GALNT13: variants seen among roughly 807,000 people sequenced by gnomAD.
GALNT13 encodes polypeptide N-acetylgalactosaminyltransferase 13.
GALNT13 carries 28 observed loss-of-function variants against 64.2 expected under a neutral mutation model. The observed-to-expected ratio is 0.44, with a 90% CI of 0.32 to 0.60. The LOEUF (loss-of-function observed/expected upper bound fraction) is 0.60, where lower values mean the gene tolerates loss of function less well. Among genes scored for constraint, GALNT13 ranks in the 20% least tolerant of loss-of-function variants. The pLI, the probability that GALNT13 is intolerant of heterozygous loss-of-function variation, is 0.05. For synonymous variants in GALNT13, 214 were observed against 224.6 expected (o/e 0.95, Z 0.42); for missense variants, 577 against 669.8 (o/e 0.86, Z 1.53).
At chr2:153,242,579 A>G in the GALNT13 span, among the ~76,000 whole-genome samples, 1 of 152,236 alleles carries the variant, frequency 6.6e-6, no homozygotes, top group Non-Finnish European at 1.5e-5. Flanking sequence ...AAGAGATTTT[A>G]GAAGATTTTT....
chr2:153,131,163 T>A, the GALNT13 span, among the ~76,000 whole-genome samples: 4 of 152,166 alleles, frequency 2.6e-5, no homozygotes, highest in African/African-American at 7.2e-5. Context: ...AGGACTAGAT[T>A]GGGGGTTTTA....
At chr2:153,485,992 C>T in the GALNT13 span, among the ~76,000 whole-genome samples, 1 of 152,240 alleles carries the variant, frequency 6.6e-6, no homozygotes, top group East Asian at 1.9e-4. Flanking sequence ...AGCTGGAGTG[C>T]AATGGCATGA....
the GALNT13 span, among the ~76,000 whole-genome samples, chr2:153,788,502 TAAG>T: frequency 6.6e-6 from 1 of 151,926 alleles, no homozygotes; most frequent in African/African-American, 2.4e-5. Flanking sequence ...AAAACACACT[TAAG>T]TACACAGACC....
the GALNT13 span, among the ~76,000 whole-genome samples, chr2:153,699,379 A>G: frequency 1.3e-5 from 2 of 152,188 alleles, no homozygotes; most frequent in African/African-American, 4.8e-5. Context: ...TGCCCTTATC[A>G]GAAGGCTAGA....
At chr2:154,354,516 G>C (rs546630330) in intron 9 of GALNT13, among the ~76,000 whole-genome samples, 44 of 133,656 alleles carry the variant, frequency 3.3e-4, no homozygotes, top group African/African-American at 9.2e-4. Context: ...TTTCCTCTAC[G>C]TTCCCTTCTA....
At position 153,998,687 on chromosome 2, in the gene GALNT13, T is replaced by C. The variant is rs190018458; in HGVS notation, c.142+54048T>C. ...TTTTGGCTTTTGTTGCCATTGCTTT[T>C]GGTGTTTTAGTCATGAAATCTTTGC... On this transcript the variant is annotated intron_variant, in intron 3 of 12. Coordinates refer to ENST00000392825, the MANE Select transcript of GALNT13 (RefSeq NM_052917.4). Among the ~76,000 whole-genome samples, 120 of 152,308 alleles carry C rather than the reference T, an allele frequency of 7.9e-4. 1 individual carries two copies. The highest frequency in any genetic ancestry group is 6.8e-3 in the Middle Eastern group (2 of 294).
At chr2:153,131,735 G>A in the GALNT13 span, among the ~76,000 whole-genome samples, 1 of 151,954 alleles carries the variant, frequency 6.6e-6, no homozygotes, top group South Asian at 2.1e-4. Flanking sequence ...AATACACCTG[G>A]GAAAAGATAT....
chr2:154,312,535 G>A (rs1366656760), intron 9 of GALNT13, among the ~76,000 whole-genome samples: 1 of 152,106 alleles, frequency 6.6e-6, no homozygotes, highest in African/African-American at 2.4e-5. Context: ...ACATTGTCAA[G>A]GATTTTCTCT....
the GALNT13 span, among the ~76,000 whole-genome samples, chr2:153,378,255 TATAGATAGATAG>T: frequency 0.11 from 16,342 of 143,570 alleles, 986 homozygotes; most frequent in African/African-American, 0.14. Context: ...TTTAGAACAT[TATAGATAGATAG>T]ATAGATAGAT....
At chr2:153,321,105 C>G in the GALNT13 span, among the ~76,000 whole-genome samples, 2 of 152,144 alleles carry the variant, frequency 1.3e-5, no homozygotes, top group African/African-American at 2.4e-5. Context: ...CAAGCTTGAT[C>G]TTTCTTAGTT....
At chr2:154,445,803 C>T (rs1252482357) in intron 12 of GALNT13, 2 of 1,288,146 alleles carry the variant, frequency 1.6e-6, no homozygotes, top group South Asian at 2.5e-5. Flanking sequence ...AATCAACAGA[C>T]TTACTTAGTG....
chr2:153,293,791 GTC>G, the GALNT13 span, among the ~76,000 whole-genome samples: 77,844 of 144,654 alleles, frequency 0.54, 21,306 homozygotes, highest in African/African-American at 0.68. Context: ...GTGTGTGTGT[GTC>G]TGTGTGTGTG....
chr2:153,114,627 G>A, the GALNT13 span, among the ~76,000 whole-genome samples: 1 of 152,110 alleles, frequency 6.6e-6, no homozygotes. Flanking sequence ...CTCAGTGTAG[G>A]AAGGAGATAA....
the GALNT13 span, among the ~76,000 whole-genome samples, chr2:153,315,641 A>G: frequency 6.6e-6 from 1 of 152,204 alleles, no homozygotes; most frequent in Non-Finnish European, 1.5e-5. Context: ...ACAAACAAAA[A>G]AGCAAAATCA....
intron 2 of GALNT13, among the ~76,000 whole-genome samples, chr2:153,931,105 C>G (rs556662202): frequency 0.011 from 1,050 of 94,228 alleles, 14 homozygotes; most frequent in African/African-American, 0.046. Context: ...GTGTGTGTGT[C>G]TATTGTGAAT....
the GALNT13 span, among the ~76,000 whole-genome samples, chr2:153,695,069 C>A: frequency 3.3e-5 from 5 of 152,290 alleles, no homozygotes; most frequent in East Asian, 7.7e-4. Flanking sequence ...CAAGTGACTT[C>A]TCCCAGTAAG....
the GALNT13 span, among the ~76,000 whole-genome samples, chr2:153,272,345 A>AT: frequency 6.6e-6 from 1 of 151,898 alleles, no homozygotes; most frequent in African/African-American, 2.4e-5. Context: ...ATGGGAGAAA[A>AT]TTTTTGCAGT....
the GALNT13 span, among the ~76,000 whole-genome samples, chr2:153,433,545 C>T: frequency 3.8e-3 from 577 of 152,204 alleles, 3 homozygotes; most frequent in Middle Eastern, 0.017. Context: ...AACTATTCCA[C>T]ATAACTTCTA....
upstream of GALNT13, among the ~76,000 whole-genome samples, chr2:153,869,568 T>C (rs867103630): frequency 3.3e-5 from 5 of 152,214 alleles, no homozygotes; most frequent in Non-Finnish European, 7.3e-5. Flanking sequence ...CCTAAATCAA[T>C]AATGTTATGT....
Sources: allele counts gnomAD v4.1 joint callset (sites outside exome capture counted in the v4.1 genomes callset), GRCh38; gene constraint gnomAD v4.1.1; transcripts MANE v1.5; gene names NCBI Gene and HGNC (gene_info 2026-07-23, HGNC 2026-07-21).